FOXP2: variants seen among roughly 807,000 people sequenced by gnomAD.
FOXP2 encodes forkhead box protein P2.
In FOXP2, 12 loss-of-function variants were observed where a neutral mutation model predicts 115.8. That is an observed-to-expected ratio of 0.10 (90% CI 0.07 to 0.17). FOXP2 has a LOEUF of 0.17. Among genes scored for constraint, FOXP2 ranks in the 10% least tolerant of loss-of-function variants. The pLI is 1.00. For missense variants in FOXP2, 629 were observed against 843.5 expected (o/e 0.75, Z 3.15); for synonymous variants, 328 against 297.7 (o/e 1.10, Z -1.05).
intron 1 of FOXP2, among the ~76,000 whole-genome samples, chr7:114,285,720 A>G (rs1470311892): frequency 1.3e-5 from 2 of 152,024 alleles, no homozygotes; most frequent in African/African-American, 4.8e-5. Context: ...TTTAATTTGC[A>G]TCTTCCTGAT....
chr7:114,086,481 CT>C (rs1306042528), upstream of FOXP2: 4 of 347,110 alleles, frequency 1.2e-5, no homozygotes, highest in Admixed American at 3.7e-5. Flanking sequence ...GGCCCCCCCC[CT>C]CCCCGGGCGC....
In FOXP2 at chr7:114,370,956, G is replaced by T. The variant is rs144080614; in HGVS notation, c.-10-55546G>T. ...AACAGAGAAACCCTGTTTTATTTTG[G>T]AGCCAAACCAAAGTGCATTGTTTTG... is the stretch of plus-strand genomic sequence containing the variant. On this transcript the variant is annotated intron_variant, in intron 2 of 17. Coordinates refer to the FOXP2 transcript ENST00000634411. Among the ~76,000 whole-genome samples the T allele has an allele frequency of 4.6e-5, 7 of 152,132 alleles. No individual in the cohort carries two copies. The East Asian group carries it at 9.7e-4, about 21-fold the overall frequency.
chr7:114,264,277 G>A (rs1003706785), intron 1 of FOXP2, among the ~76,000 whole-genome samples: 1 of 152,144 alleles, frequency 6.6e-6, no homozygotes, highest in Non-Finnish European at 1.5e-5. Flanking sequence ...GTTGAATACA[G>A]TAAGTACAGA....
upstream of FOXP2, among the ~76,000 whole-genome samples, chr7:114,161,144 A>C (rs781695727): frequency 9.2e-5 from 14 of 152,170 alleles, no homozygotes; most frequent in Non-Finnish European, 1.9e-4. Context: ...TTGAACTGCC[A>C]TGTGGATATA....
At chr7:114,334,858 A>G (rs1378862976) in intron 2 of FOXP2, among the ~76,000 whole-genome samples, 1 of 147,956 alleles carries the variant, frequency 6.8e-6, no homozygotes, top group African/African-American at 2.5e-5. Context: ...TAGAATGTAC[A>G]ACTTGTAGAT....
At chr7:114,087,468 T>TC (rs35182478), upstream of FOXP2, among the ~76,000 whole-genome samples, 72,502 of 151,410 alleles carry the variant, frequency 0.48, 18,239 homozygotes, top group African/African-American at 0.63. Context: ...TCGCGGCACT[T>TC]GGTGAGGGGA....
At chr7:114,185,963 A>G (rs1793592130) in intron 1 of FOXP2, among the ~76,000 whole-genome samples, 1 of 151,878 alleles carries the variant, frequency 6.6e-6, no homozygotes, top group South Asian at 2.1e-4. Context: ...ATTTTTTGCT[A>G]TGGCATCACG....
intron 2 of FOXP2, among the ~76,000 whole-genome samples, chr7:114,293,912 C>T (rs1344715916): frequency 2.0e-5 from 3 of 151,968 alleles, no homozygotes; most frequent in Non-Finnish European, 2.9e-5. Context: ...TTCTAAACTG[C>T]TAAGTTTGGG....
intron 1 of FOXP2, among the ~76,000 whole-genome samples, chr7:114,138,054 A>G (rs1393509560): frequency 6.6e-6 from 1 of 152,188 alleles, no homozygotes; most frequent in Non-Finnish European, 1.5e-5. Flanking sequence ...TGCTTTTTTA[A>G]AATTTGGAAA....
chr7:114,361,855 T>C (rs1019329496), intron 2 of FOXP2, among the ~76,000 whole-genome samples: 3 of 152,026 alleles, frequency 2.0e-5, no homozygotes, highest in African/African-American at 7.2e-5. Flanking sequence ...TAGTTCTTGA[T>C]AAAGATTGAA....
intron 1 of FOXP2, among the ~76,000 whole-genome samples, chr7:114,216,966 C>T (rs1025292416): frequency 6.6e-6 from 1 of 152,084 alleles, no homozygotes; most frequent in Non-Finnish European, 1.5e-5. Context: ...AAATAATCCC[C>T]TTATTGACAT....
chr7:114,117,892 C>T (rs916221922), intron 1 of FOXP2, among the ~76,000 whole-genome samples: 1 of 152,054 alleles, frequency 6.6e-6, no homozygotes, highest in African/African-American at 2.4e-5. Flanking sequence ...CCTCACATGG[C>T]GAAGAGTAGA....
At chr7:114,130,427 A>G (rs1791841069) in intron 1 of FOXP2, among the ~76,000 whole-genome samples, 1 of 152,140 alleles carries the variant, frequency 6.6e-6, no homozygotes, top group Non-Finnish European at 1.5e-5. Context: ...TAAAGTGTTC[A>G]TTTTCCTCAT....
chr7:114,412,482 C>T (rs1793187155), upstream of FOXP2, among the ~76,000 whole-genome samples: 3 of 152,014 alleles, frequency 2.0e-5, no homozygotes, highest in African/African-American at 7.3e-5. Flanking sequence ...CTTCCTAATA[C>T]ATTTGTGTGT....
chr7:114,532,558 A>C (rs1799190978), intron 2 of FOXP2, among the ~76,000 whole-genome samples: 1 of 151,880 alleles, frequency 6.6e-6, no homozygotes, highest in Admixed American at 6.6e-5. Context: ...AAAGCAACTG[A>C]CTATTCTACG....
chr7:114,208,368 G>A (rs1370573427), intron 1 of FOXP2, among the ~76,000 whole-genome samples: 1 of 152,120 alleles, frequency 6.6e-6, no homozygotes, highest in Non-Finnish European at 1.5e-5. Context: ...TTTACCCAAT[G>A]CGTGTACCCC....
chr7:114,613,414 G>A (rs556237828), intron 3 of FOXP2, among the ~76,000 whole-genome samples: 69 of 152,060 alleles, frequency 4.5e-4, no homozygotes, highest in African/African-American at 1.6e-3. Context: ...GGTGGCTCTC[G>A]CCTGTAATCC....
intron 1 of FOXP2, among the ~76,000 whole-genome samples, chr7:114,284,621 T>C (rs1796421256): frequency 6.6e-6 from 1 of 152,152 alleles, no homozygotes; most frequent in East Asian, 1.9e-4. Context: ...GAAGTGTAAA[T>C]TAGTTCAACC....
At chr7:114,190,137 T>G (rs144966616) in intron 1 of FOXP2, among the ~76,000 whole-genome samples, 275 of 152,332 alleles carry the variant, frequency 1.8e-3, no homozygotes, top group Non-Finnish European at 2.8e-3. Flanking sequence ...TGAATGAAAC[T>G]AAGTTATACC....
Sources: allele counts gnomAD v4.1 joint callset (sites outside exome capture counted in the v4.1 genomes callset), GRCh38; gene constraint gnomAD v4.1.1; transcripts MANE v1.5; gene names NCBI Gene and HGNC (gene_info 2026-07-23, HGNC 2026-07-21).